The following COMMD5 variants were observed in gnomAD, a reference collection of about 807,000 sequenced individuals.
COMMD5 encodes COMM domain-containing protein 5.
In COMMD5, 10 loss-of-function variants were observed where a neutral mutation model predicts 6.9. The ratio of observed to expected loss-of-function variants is 1.44; its 90% confidence interval spans 0.89 to 2.45. The LOEUF is 2.45. Among genes scored for constraint, COMMD5 ranks in the 30% most tolerant of loss-of-function variants. The pLI, the probability that COMMD5 is intolerant of heterozygous loss-of-function variation, is 0.00. For missense variants in COMMD5, 234 were observed against 287.8 expected (o/e 0.81, Z 1.35); for synonymous variants, 127 against 125.3 (o/e 1.01, Z -0.09).
intron 1 of COMMD5, chr8:144,842,787 A>G: frequency 6.2e-7 from 1 of 1,614,230 alleles, no homozygotes; most frequent in East Asian, 2.2e-5. Flanking sequence ...AATGTGGGAA[A>G]GCCTTCAGTC....
At chr8:144,841,230 C>T (rs1829865536) in exon 2 of COMMD5, 2 of 966,384 alleles carry the variant, frequency 2.1e-6, no homozygotes, top group East Asian at 4.8e-5. Context: ...CACGTTTCCA[C>T]CTGGGGCCTC....
downstream of COMMD5, chr8:144,846,377 G>A (rs1830511965): frequency 1.7e-6 from 1 of 582,232 alleles, no homozygotes. Context: ...TAAGAGACTT[G>A]TGACATTTGA....
intron 1 of COMMD5, chr8:144,842,224 CAG>C: frequency 6.2e-7 from 1 of 1,614,104 alleles, no homozygotes. Flanking sequence ...GGCCTTCAGC[CAG>C]AGCTCCACCC....
rs774021509 is a variant in COMMD5 at position 144,842,870 on chromosome 8, A to G, written c.*117-1127T>C. On this transcript the variant is annotated intron_variant and NMD_transcript_variant, in intron 1 of 1. Transcript: ENST00000530332. ...CCCTATGAGTGCAGTGAGTGTGGAA[A>G]AGCCTTCAGCCGGAGCTCATATCTT... 21 of 1,614,108 alleles carry G rather than the reference A, an allele frequency of 1.3e-5. No individual in the cohort carries two copies. The South Asian group carries it at 2.2e-4, about 17-fold the overall frequency.
At chr8:144,842,552 C>A in intron 1 of COMMD5, 1 of 1,614,180 alleles carries the variant, frequency 6.2e-7, no homozygotes, top group Non-Finnish European at 8.5e-7. Flanking sequence ...GTTCAGGGCT[C>A]ACACCTTATT....
At chr8:144,838,277 G>C (rs1219377992), downstream of COMMD5, 16 of 600,492 alleles carry the variant, frequency 2.7e-5, no homozygotes, top group Non-Finnish European at 4.5e-5. Context: ...GTGACCTCAT[G>C]GTGACTAATT....
At chr8:144,840,539 A>G (rs1829752041), downstream of COMMD5, among the ~76,000 whole-genome samples, 1 of 152,138 alleles carries the variant, frequency 6.6e-6, no homozygotes, top group African/African-American at 2.4e-5. Context: ...GCATCCTGTC[A>G]TGGTTTGATC....
chr8:144,843,238 T>C (rs1408536491), intron 1 of COMMD5: 43 of 1,458,706 alleles, frequency 2.9e-5, no homozygotes, highest in Non-Finnish European at 3.9e-5. Context: ...TTATATGGAA[T>C]CGTTTATACT....
downstream of COMMD5, among the ~76,000 whole-genome samples, chr8:144,839,527 G>T (rs1829576530): frequency 6.6e-6 from 1 of 152,252 alleles, no homozygotes; most frequent in Non-Finnish European, 1.5e-5. Flanking sequence ...AGCTACAGTT[G>T]GCAGAAATAG....
intron 1 of COMMD5, among the ~76,000 whole-genome samples, chr8:144,843,975 C>T (rs916352573): frequency 6.6e-6 from 1 of 152,178 alleles, no homozygotes; most frequent in Non-Finnish European, 1.5e-5. Context: ...TCCCCTTCCT[C>T]AGAGAGGCAG....
At chr8:144,852,535 AGGAG>A in intron 1 of COMMD5, 1 of 152,406 alleles carries the variant, frequency 6.6e-6, no homozygotes, top group South Asian at 2.1e-4. Context: ...GGGGGAGCCC[AGGAG>A]CTCCCCACGG....
At chr8:144,843,325 T>C (rs2722488) in intron 1 of COMMD5, 437,113 of 923,874 alleles carry the variant, frequency 0.47, 107,079 homozygotes, top group East Asian at 0.81. Flanking sequence ...TGTGGTGGCT[T>C]ATGCCTGTCA....
In COMMD5 at chr8:144,850,465, T is replaced by C. The variant is rs1025857774; in HGVS notation, c.*199A>G. On this transcript the variant is annotated 3_prime_UTR_variant, in exon 2 of 2. Transcript: ENST00000305103. The surrounding 1 kb of genome is among the most constrained non-coding windows in gnomAD (Gnocchi z 4.0). ...TCACCTATAGAAACATGTTTTTAGC[T>C]GCTTTACTTCCAAAAAGAAAAAAAG... The C allele has an allele frequency of 4.8e-6, 3 of 625,902 alleles. No homozygotes were observed. Among genetic ancestry groups the C allele is most frequent in the Non-Finnish European group, 8.1e-6 (3 of 369,870 alleles). 38.8% of individuals were successfully genotyped at this position (625,902 alleles called of 1,614,324 possible).
intron 1 of COMMD5, chr8:144,842,763 C>G (rs755072783): frequency 6.2e-7 from 1 of 1,614,152 alleles, no homozygotes. Context: ...GAGAGAGGCC[C>G]TATAAATGTA....
downstream of COMMD5, among the ~76,000 whole-genome samples, chr8:144,840,668 T>TG (rs1010819961): frequency 1.1e-4 from 17 of 151,884 alleles, no homozygotes; most frequent in South Asian, 4.1e-4. Context: ...GAAGGCCTCC[T>TG]GGGGGCCTCC....
chr8:144,844,131 T>A lies in COMMD5; in HGVS notation c.*117-2388A>T, dbSNP rs2975303. On this transcript the variant is annotated intron_variant and NMD_transcript_variant, in intron 1 of 1. Transcript: ENST00000530332. The stretch of plus-strand genomic sequence containing the variant: ...GGGGCTTGCTGTGTGACCTAGGACA[T>A]CATTGCCCTCCCTGAAACTCAGAGC... Among the ~76,000 whole-genome samples the A allele has an allele frequency of 5.4e-3, 820 of 152,288 alleles. 13 individuals are homozygous for A. Among genetic ancestry groups the A allele is most frequent in the African/African-American group, 0.019 (779 of 41,550 alleles).
downstream of COMMD5, among the ~76,000 whole-genome samples, chr8:144,848,643 AAG>A (rs1429551556): frequency 6.6e-6 from 1 of 152,182 alleles, no homozygotes; most frequent in Non-Finnish European, 1.5e-5. Flanking sequence ...CCTTTGTGGG[AAG>A]AGTTTGCTCA....
intron 1 of COMMD5, among the ~76,000 whole-genome samples, chr8:144,845,040 A>G (rs1830436609): frequency 2.0e-5 from 3 of 152,198 alleles, no homozygotes; most frequent in African/African-American, 4.8e-5. Context: ...GGGCAGGGTC[A>G]GGGAGGAGAA....
At chr8:144,846,354 G>T (rs1325714755), downstream of COMMD5, 1 of 628,332 alleles carries the variant, frequency 1.6e-6, no homozygotes, top group Non-Finnish European at 2.7e-6. Context: ...TTTCTGAATG[G>T]TTGGGGAGAA....
Sources: gnomAD v4.1 joint callset for allele counts (sites outside exome capture counted in the v4.1 genomes callset) on GRCh38, gnomAD v4.1.1 for gene constraint, Gnocchi (gnomAD v3.1) non-coding constraint, MANE v1.5 for transcripts, NCBI Gene and HGNC (gene_info 2026-07-23, HGNC 2026-07-21) for gene names.